The following SURF2 variants were observed in gnomAD, a reference collection of about 807,000 sequenced individuals.
SURF2 encodes surfeit 2, also known as surfeit locus protein 2.
A neutral mutation model predicts 26.2 loss-of-function variants in SURF2; 32 were observed. The ratio of observed to expected loss-of-function variants is 1.22; its 90% CI spans 0.92 to 1.64. The LOEUF (loss-of-function observed/expected upper bound fraction) is 1.64, where lower values mean the gene tolerates loss of function less well. Among genes scored for constraint, SURF2 ranks in the 40% most tolerant of loss-of-function variants. The pLI is 0.00. For missense variants in SURF2, 415 were observed against 341.6 expected (o/e 1.21, Z -1.69); for synonymous variants, 173 against 139.1 (o/e 1.24, Z -1.71).
intron 4 of SURF2, 61 bp downstream of exon 4, chr9:133,360,190 G>C (rs1564354827): frequency 2.1e-5 from 33 of 1,592,616 alleles, no homozygotes; most frequent in Non-Finnish European, 2.7e-5. Context: ...GCAGACTGTG[G>C]TGCTGCCTCC....
At chr9:133,356,891 C>T (rs2130030879) in intron 1 of SURF2, 23 bp from the exon 2 acceptor site, 12 of 1,534,766 alleles carry the variant, frequency 7.8e-6, no homozygotes, top group Non-Finnish European at 8.8e-6. Flanking sequence ...CTCCTGACGT[C>T]CTGCCCGCCC....
At chr9:133,360,160 C>A (rs2130048390) in intron 4 of SURF2, 31 bp downstream of exon 4, 1 of 1,591,226 alleles carries the variant, frequency 6.3e-7, no homozygotes, top group Non-Finnish European at 8.6e-7. Context: ...TTCTCCCTGA[C>A]CCTCTACTGT....
intron 3 of SURF2, among the ~76,000 whole-genome samples, chr9:133,358,579 A>G (rs1836672599): frequency 6.6e-6 from 1 of 152,096 alleles, no homozygotes; most frequent in Non-Finnish European, 1.5e-5. Flanking sequence ...TAGAGAAGGG[A>G]GAGAGGCCTG....
chr9:133,358,356 T>C (rs986444548), intron 3 of SURF2, among the ~76,000 whole-genome samples: 1 of 151,920 alleles, frequency 6.6e-6, no homozygotes, highest in African/African-American at 2.4e-5. Context: ...ACAGTGTGCA[T>C]GGTTGAGAAG....
intron 1 of SURF2, 53 bp from the exon 2 acceptor site, chr9:133,356,861 C>T: frequency 6.7e-7 from 1 of 1,492,854 alleles, no homozygotes; most frequent in Non-Finnish European, 8.9e-7. Flanking sequence ...GAGGGGGCAC[C>T]AGGGAGCGGA....
intron 3 of SURF2, among the ~76,000 whole-genome samples, chr9:133,358,641 G>A (rs1836673543): frequency 6.6e-6 from 1 of 152,148 alleles, no homozygotes; most frequent in Non-Finnish European, 1.5e-5. Context: ...CTGAAGGGAA[G>A]ATGAGGACAG....
At chr9:133,360,575 C>T (rs1162278291) in intron 5 of SURF2, 141 bp downstream of exon 5, 18 of 1,136,474 alleles carry the variant, frequency 1.6e-5, no homozygotes, top group South Asian at 1.7e-5. Flanking sequence ...AAGCCGAGGC[C>T]GCTGGCTGGC....
intron 3 of SURF2, among the ~76,000 whole-genome samples, chr9:133,359,108 T>C (rs2130041334): frequency 3.3e-5 from 5 of 152,124 alleles, no homozygotes; most frequent in African/African-American, 9.7e-5. Flanking sequence ...GGGGTTCCCA[T>C]GAAGAATGGT....
In SURF2 at chr9:133,356,908, C is replaced by T; in HGVS notation, c.79-6C>T. 1 of 1,547,360 alleles carries T rather than the reference C, an allele frequency of 6.5e-7. No homozygotes were observed. The highest frequency in any genetic ancestry group is 8.7e-7 in the Non-Finnish European group (1 of 1,145,618). ...CCTGACGTCCTGCCCGCCCACGCGT[C>T]CGCAGGTGAGGTGCATCCTGACAGG... On this transcript the variant is annotated splice_region_variant and splice_polypyrimidine_tract_variant and intron_variant, in intron 1 of 5. Coordinates refer to ENST00000371964, the MANE Select transcript of SURF2 (RefSeq NM_017503.5).
rs2130048637 is a variant in SURF2 at position 133,360,181 on chromosome 9, CAG to C, written c.517+54_517+55del. On this transcript the variant is annotated intron_variant, in intron 4 of 5. Coordinates refer to ENST00000371964, the MANE Select transcript of SURF2 (RefSeq NM_017503.5). ...CTGACCCTCTACTGTCAGCAGGGAG[CAG>C]ACTGTGGTGCTGCCTCCCCTGCAAA... 18 of 1,590,418 alleles carry C rather than the reference CAG, an allele frequency of 1.1e-5. No homozygotes were observed. In the Admixed American group the frequency reaches 2.4e-4, roughly 21 times the overall value.
chr9:133,358,755 T>C (rs2130040512), intron 3 of SURF2, among the ~76,000 whole-genome samples: 12 of 152,236 alleles, frequency 7.9e-5, no homozygotes, highest in South Asian at 4.1e-4. Flanking sequence ...CTGCAGCCCA[T>C]GAGGGCAGTG....
In SURF2 at chr9:133,360,022, A is replaced by G. The variant is rs1836714907; in HGVS notation, c.410A>G (p.Asp137Gly). 1 of 1,613,984 alleles carries G rather than the reference A, an allele frequency of 6.2e-7. No individual in the cohort carries two copies. Among genetic ancestry groups the G allele is most frequent in the Non-Finnish European group, 8.5e-7 (1 of 1,179,954 alleles). The change falls in exon 4 of 6, where the codon GAC becomes GGC. Residue 137 changes from aspartate (D) to glycine (G), a missense_variant. Physicochemically the swap from Asp to Gly is moderately conservative, Grantham distance 94. Transcript: ENST00000371964. The stretch of plus-strand genomic sequence containing the variant: ...GTGCACCGGAGGAGGAGGAGGGAGG[A>G]CCAGATGGACGGTGACGGGCCTCGC... ...CLVHRRRRREDQMDGDGPRPR... is the reference protein window; with the variant it reads ...CLVHRRRRREGQMDGDGPRPR...
chr9:133,357,040 C>A lies in SURF2; in HGVS notation c.205C>A (p.Pro69Thr). The change falls in exon 2 of 6, where the codon CCG becomes ACG. Residue 69 changes from proline (P) to threonine (T), a missense_variant. By Grantham distance (38) the Pro-to-Thr change is conservative. Transcript: ENST00000371964. ...GGCCTTCGACTATGCAGAGTTCGAG[C>A]CGCACATCGTGCCCAGCACCAAGAA... ...SPAFDYAEFE[P>T]HIVPSTKNPH... is the part of the protein sequence containing the mutation. 6.3e-7 allele frequency: 1 copy of A among 1,579,144 alleles called. No individual in the cohort carries two copies. The highest frequency in any genetic ancestry group is 2.3e-5 in the East Asian group (1 of 43,426).
intron 5 of SURF2, 107 bp from the exon 6 acceptor site, chr9:133,360,943 GGTATTT>G: frequency 9.2e-7 from 1 of 1,087,648 alleles, no homozygotes; most frequent in Non-Finnish European, 1.4e-6. Context: ...AGCCTCTGTG[GGTATTT>G]GACCGACACC....
At chr9:133,357,425 T>A (rs1403613459) in intron 2 of SURF2, among the ~76,000 whole-genome samples, 4 of 152,172 alleles carry the variant, frequency 2.6e-5, no homozygotes. Context: ...GATGTTTCCA[T>A]TCATTGAGCC....
rs2130031231 is a variant in SURF2 at position 133,356,924 on chromosome 9, T to C, written c.89T>C (p.Ile30Thr). The change falls in exon 2 of 6, where the codon ATC becomes ACC. Residue 30 changes from isoleucine (I) to threonine (T), a missense_variant. Physicochemically the swap from Ile to Thr is moderately conservative, Grantham distance 89. Transcript: ENST00000371964. ...LQTDARKVRC[I>T]LTGHELPCRL... is the part of the protein sequence containing the mutation. The stretch of plus-strand genomic sequence containing the variant: ...CCCACGCGTCCGCAGGTGAGGTGCA[T>C]CCTGACAGGTCACGAGCTGCCCTGC... 43 of 1,560,548 alleles carry C rather than the reference T, an allele frequency of 2.8e-5. No homozygotes were observed. The highest frequency in any genetic ancestry group is 3.6e-5 in the Non-Finnish European group (41 of 1,153,220).
chr9:133,360,300 G>T lies in SURF2; in HGVS notation c.553G>T (p.Glu185Ter), dbSNP rs146539596. The change falls in exon 5 of 6, where the codon GAG becomes TAG. Residue 185 changes from glutamate (E) to a stop codon, truncating the protein, a stop_gained. Coordinates refer to ENST00000371964, the MANE Select transcript of SURF2 (RefSeq NM_017503.5). LOFTEE classifies it high-confidence loss of function. ...LFTRKDLGST[E>*]DGDGTDDFLT... is the part of the protein sequence containing the mutation. ...CACCAGAAAGGACCTTGGAAGCACG[G>T]AGGATGGGGATGGCACTGATGACTT... 2.1e-5 allele frequency: 34 copies of T among 1,614,100 alleles called. No homozygotes were observed. In the African/African-American group the frequency reaches 4.4e-4, roughly 21 times the overall value.
At chr9:133,357,582 C>G (rs2130034896) in intron 2 of SURF2, 129 bp from the exon 3 acceptor site, 1 of 810,778 alleles carries the variant, frequency 1.2e-6, no homozygotes. Context: ...TGGAATTGCT[C>G]CGGGAGCCTT....
Position 133,356,957 on chromosome 9 carries a change from C to G in SURF2, c.122C>G (p.Pro41Arg), listed in dbSNP as rs1281945728. ...GGTCACGAGCTGCCCTGCCGCCTGC[C>G]GGAGCTCCAGGTCTACACCCGCGGC... Reference protein sequence around the residue: ...LTGHELPCRLPELQVYTRGKK... With the variant: ...LTGHELPCRLRELQVYTRGKK... The change falls in exon 2 of 6, where the codon CCG becomes CGG. Residue 41 changes from proline (P) to arginine (R), a missense_variant. By Grantham distance (103) the Pro-to-Arg change is moderately radical. Transcript: ENST00000371964. 6.4e-6 allele frequency: 10 copies of G among 1,568,456 alleles called. No homozygotes were observed. The highest frequency in any genetic ancestry group is 2.3e-5 in the South Asian group (2 of 85,492).
Sources: allele counts gnomAD v4.1 joint callset (sites outside exome capture counted in the v4.1 genomes callset), GRCh38; gene constraint gnomAD v4.1.1; transcripts MANE v1.5; gene names NCBI Gene and HGNC (gene_info 2026-07-23, HGNC 2026-07-21).